CTNND2: variants seen among roughly 807,000 people sequenced by gnomAD.
CTNND2 encodes catenin delta-2.
CTNND2 carries 22 observed loss-of-function variants against 144.4 expected under a neutral mutation model. The observed-to-expected ratio is 0.15, with a 90% CI of 0.11 to 0.22. The LOEUF is 0.22. Among genes scored for constraint, CTNND2 ranks in the 10% least tolerant of loss-of-function variants. The probability of loss-of-function intolerance (pLI) is 1.00; values close to 1 mark genes in which losing one functional copy is unlikely to be tolerated. For synonymous variants in CTNND2, 751 were observed against 695.6 expected (o/e 1.08, Z -1.25); for missense variants, 1,353 against 1,618.8 (o/e 0.84, Z 2.82).
chr5:11,240,852 CACAT>C (rs1474100192), intron 9 of CTNND2, among the ~76,000 whole-genome samples: 2 of 142,694 alleles, frequency 1.4e-5, no homozygotes, highest in African/African-American at 5.2e-5. Flanking sequence ...ACACACCCAA[CACAT>C]ACACTCAGCA....
In CTNND2 at chr5:11,231,073, G is replaced by A. The variant is rs137998810; in HGVS notation, c.1761+5618C>T. Among the ~76,000 whole-genome samples, 21 of 152,230 alleles carry A rather than the reference G, an allele frequency of 1.4e-4. No individual in the cohort carries two copies. In the East Asian group the frequency reaches 1.5e-3, roughly 11 times the overall value. On this transcript the variant is annotated intron_variant, in intron 10 of 21. Coordinates refer to ENST00000304623, the MANE Select transcript of CTNND2 (RefSeq NM_001332.4). ...GGGTGGTTTCCTCCATGGTGTTCTCGTGATAATGAGTGAGTCTCACGAGAT... is the reference window on the plus strand; with the variant it reads ...GGGTGGTTTCCTCCATGGTGTTCTCATGATAATGAGTGAGTCTCACGAGAT...
At chr5:11,062,806 A>G (rs1463226480) in intron 16 of CTNND2, among the ~76,000 whole-genome samples, 1 of 152,216 alleles carries the variant, frequency 6.6e-6, no homozygotes, top group Non-Finnish European at 1.5e-5. Context: ...ATCTGCCTGA[A>G]AAACGTGCTT....
At chr5:11,572,389 T>A (rs1240127414) in intron 2 of CTNND2, among the ~76,000 whole-genome samples, 1 of 152,146 alleles carries the variant, frequency 6.6e-6, no homozygotes. Context: ...TCATACCTAG[T>A]TCTATTTTGA....
chr5:11,264,618 T>C (rs1468840322), intron 9 of CTNND2, among the ~76,000 whole-genome samples: 2 of 152,196 alleles, frequency 1.3e-5, no homozygotes, highest in Non-Finnish European at 2.9e-5. Context: ...GCAAGAACAA[T>C]TCTGCACTTT....
chr5:11,493,236 G>A (rs1581330472), intron 3 of CTNND2, among the ~76,000 whole-genome samples: 1 of 152,158 alleles, frequency 6.6e-6, no homozygotes, highest in South Asian at 2.1e-4. Flanking sequence ...AAAGGGATGG[G>A]GTTATGATTC....
chr5:11,148,988 C>T (rs1757495671), intron 12 of CTNND2, among the ~76,000 whole-genome samples: 1 of 152,144 alleles, frequency 6.6e-6, no homozygotes, highest in Non-Finnish European at 1.5e-5. Flanking sequence ...GCCAGTGCTG[C>T]CTGCAGAGGA....
At position 11,289,421 on chromosome 5, in the gene CTNND2, T is replaced by C. The variant is rs188679138; in HGVS notation, c.1629-52598A>G. Among the ~76,000 whole-genome samples, 349 of 152,322 alleles carry C rather than the reference T, an allele frequency of 2.3e-3. 1 individual carries two copies. Among genetic ancestry groups the C allele is most frequent in the Non-Finnish European group, 3.5e-3 (239 of 68,028 alleles). ...CTAGACTGCGTATGGCATCTTCTCT[T>C]ATCAAATTGGATTTGGCCAAAAGAA... is the stretch of plus-strand genomic sequence containing the variant. On this transcript the variant is annotated intron_variant, in intron 9 of 21. Transcript: ENST00000304623.
chr5:11,079,431 A>G (rs61750272), intron 16 of CTNND2, among the ~76,000 whole-genome samples: 27 of 152,198 alleles, frequency 1.8e-4, no homozygotes, highest in African/African-American at 6.5e-4. Context: ...AGCCAGACCA[A>G]TGGCCTGTGG....
chr5:11,413,480 C>T (rs1384144996), intron 3 of CTNND2, among the ~76,000 whole-genome samples: 3 of 152,098 alleles, frequency 2.0e-5, no homozygotes, highest in Non-Finnish European at 4.4e-5. Context: ...ATGTGAATAT[C>T]AAAATACTAC....
chr5:11,134,321 C>T (rs1040938984), intron 12 of CTNND2, among the ~76,000 whole-genome samples: 5 of 152,174 alleles, frequency 3.3e-5, no homozygotes, highest in East Asian at 1.9e-4. Context: ...GCAACCTGAA[C>T]GATCCTGGAT....
chr5:11,530,590 G>T (rs1420660475), intron 3 of CTNND2, among the ~76,000 whole-genome samples: 1 of 152,144 alleles, frequency 6.6e-6, no homozygotes, highest in African/African-American at 2.4e-5. Context: ...GGGGTGTTGT[G>T]GCATCCACAG....
intron 1 of CTNND2, among the ~76,000 whole-genome samples, chr5:11,864,213 G>A (rs1024979497): frequency 2.6e-5 from 4 of 151,688 alleles, no homozygotes; most frequent in Admixed American, 6.6e-5. Flanking sequence ...ACCAACCTCC[G>A]CTGCCTGAAA....
chr5:11,225,724 C>T (rs1043720618), intron 10 of CTNND2, among the ~76,000 whole-genome samples: 1 of 152,134 alleles, frequency 6.6e-6, no homozygotes, highest in African/African-American at 2.4e-5. Flanking sequence ...CGCCACCTCA[C>T]TTGCTAGGTT....
intron 3 of CTNND2, among the ~76,000 whole-genome samples, chr5:11,429,453 G>A (rs1763082656): frequency 6.6e-6 from 1 of 152,200 alleles, no homozygotes; most frequent in African/African-American, 2.4e-5. Flanking sequence ...AAGGCGCCGG[G>A]GCAGAGCAGG....
chr5:11,124,067 T>C (rs1239012200), intron 12 of CTNND2, among the ~76,000 whole-genome samples: 2 of 152,194 alleles, frequency 1.3e-5, no homozygotes, highest in African/African-American at 2.4e-5. Context: ...TTTTTGACCA[T>C]GTAATTACCT....
intron 2 of CTNND2, among the ~76,000 whole-genome samples, chr5:11,636,272 C>T (rs1020954006): frequency 3.3e-5 from 5 of 152,064 alleles, no homozygotes; most frequent in Non-Finnish European, 5.9e-5. Context: ...AACCTCTGCC[C>T]GCTCCAGAAT....
intron 2 of CTNND2, among the ~76,000 whole-genome samples, chr5:11,571,936 A>G (rs912021532): frequency 6.6e-6 from 1 of 152,124 alleles, no homozygotes; most frequent in African/African-American, 2.4e-5. Flanking sequence ...AGTAACCCTA[A>G]AAATTGATGG....
chr5:11,895,296 A>T (rs568892455), intron 1 of CTNND2, among the ~76,000 whole-genome samples: 3 of 152,338 alleles, frequency 2.0e-5, no homozygotes, highest in Admixed American at 2.0e-4. Flanking sequence ...AGCATCTGGC[A>T]TCTGTATTAT....
chr5:11,484,088 G>A lies in CTNND2; in HGVS notation c.288-72019C>T, dbSNP rs1220976062. Among the ~76,000 whole-genome samples the A allele has an allele frequency of 5.9e-5, 9 of 152,134 alleles. 1 individual carries two copies. Among genetic ancestry groups the A allele is most frequent in the East Asian group, 5.8e-4 (3 of 5,196 alleles). On this transcript the variant is annotated intron_variant, in intron 3 of 21. Transcript: ENST00000304623. ...CCAGTTGCACACCCTCAAGGTTCTC[G>A]TAGCCCAACTAATGGCCACTCCACA... is the stretch of plus-strand genomic sequence containing the variant.
Sources: allele counts gnomAD v4.1 joint callset (sites outside exome capture counted in the v4.1 genomes callset), GRCh38; gene constraint gnomAD v4.1.1; transcripts MANE v1.5; gene names NCBI Gene and HGNC (gene_info 2026-07-23, HGNC 2026-07-21).